RASGRP2: variants seen among roughly 807,000 people sequenced by gnomAD.
RASGRP2 encodes RAS guanyl releasing protein 2.
Under a neutral mutation model 71.0 loss-of-function variants are expected in RASGRP2, and 44 were observed. That is an observed-to-expected ratio of 0.62 (90% CI 0.49 to 0.80). The LOEUF (loss-of-function observed/expected upper bound fraction) is 0.80, where lower values mean the gene tolerates loss of function less well. Ranked by LOEUF, RASGRP2 falls within the 30% of genes least tolerant of loss-of-function variation. The pLI, the probability that RASGRP2 is intolerant of heterozygous loss-of-function variation, is 0.00. For missense variants in RASGRP2, 663 were observed against 813.4 expected (o/e 0.82, Z 2.25); for synonymous variants, 350 against 330.7 (o/e 1.06, Z -0.63).
At chr11:64,741,908 G>C (rs2058136686) in intron 3 of RASGRP2, 102 bp downstream of exon 3, 1 of 975,688 alleles carries the variant, frequency 1.0e-6, no homozygotes, top group African/African-American at 1.6e-5. Context: ...GATAAGGAGT[G>C]GCCTATACTT....
In RASGRP2 at chr11:64,742,528, TA is replaced by T; in HGVS notation, c.73+265del. 1.7e-6 allele frequency: 1 copy of T among 588,364 alleles called. No individual in the cohort carries two copies. Among genetic ancestry groups the T allele is most frequent in the Non-Finnish European group, 3.0e-6 (1 of 329,670 alleles). The allele number at this position is 588,364 out of a possible 1,614,324, so 36.4% of individuals were successfully genotyped here. On this transcript the variant is annotated intron_variant, in intron 2 of 16. Transcript: ENST00000394432. This position sits in a 1 kb window ranked among gnomAD's most constrained non-coding sequence, Gnocchi z 4.7. ...TCCTCCGGATTCCCCGGGAGACAGA[TA>T]ATGCCCCTCAAGTGTCAGAGTCCGG...
chr11:64,743,597 TC>T lies in RASGRP2; in HGVS notation c.-72+405del. 1 of 379,330 alleles carries T rather than the reference TC, an allele frequency of 2.6e-6. No homozygotes were observed. The highest frequency in any genetic ancestry group is 5.1e-6 in the Non-Finnish European group (1 of 195,530). The allele number at this position is 379,330 out of a possible 1,614,324, so 23.5% of individuals were successfully genotyped here. On this transcript the variant is annotated intron_variant, in intron 1 of 16. Transcript: ENST00000394432. This position sits in a 1 kb window ranked among gnomAD's most constrained non-coding sequence, Gnocchi z 4.9. ...AAGCCTGAGCCTGGGAACTGAGCGC[TC>T]CCAGGCCACCTCCGCAAAGGTCCCA...
intron 12 of RASGRP2, among the ~76,000 whole-genome samples, chr11:64,731,989 C>A (rs779661270): frequency 2.0e-5 from 3 of 152,164 alleles, no homozygotes; most frequent in Non-Finnish European, 4.4e-5. Context: ...ACGTTCATGG[C>A]AGCCTGGCAT....
Position 64,735,485 on chromosome 11 carries a change from A to G in RASGRP2, c.1296+57T>C, listed in dbSNP as rs1346669321. ...GGACACTCGTGCTGGCTTCCAGGGC[A>G]GTGCTCCGGCAAACTGGCCTCTCCC... On this transcript the variant is annotated intron_variant, in intron 11 of 16. Coordinates refer to ENST00000394432, the MANE Select transcript of RASGRP2 (RefSeq NM_001098671.2). This position sits in a 1 kb window ranked among gnomAD's most constrained non-coding sequence, Gnocchi z 4.2. 8.7e-6 allele frequency: 14 copies of G among 1,611,554 alleles called. No individual in the cohort carries two copies. Among genetic ancestry groups the G allele is most frequent in the Non-Finnish European group, 1.2e-5 (14 of 1,179,874 alleles).
At position 64,735,817 on chromosome 11, in the gene RASGRP2, G is replaced by A. The variant is rs1379946858; in HGVS notation, c.1173+86C>T. On this transcript the variant is annotated intron_variant, in intron 10 of 16. Transcript: ENST00000394432. The surrounding 1 kb of genome is among the most constrained non-coding windows in gnomAD (Gnocchi z 4.2). Reference sequence around the variant, plus strand: ...CTGTCCTACAAGATGGATGGGTGAGGTGGCTGCTAAGAGCTCTTCCCATCC... The same window carrying A: ...CTGTCCTACAAGATGGATGGGTGAGATGGCTGCTAAGAGCTCTTCCCATCC... 8 of 1,496,776 alleles carry A rather than the reference G, an allele frequency of 5.3e-6. No homozygotes were observed. In the African/African-American group the frequency reaches 5.5e-5, roughly 10 times the overall value. 92.7% of individuals were successfully genotyped at this position (1,496,776 alleles called of 1,614,324 possible). A position where few individuals can be genotyped will look rare whatever the true frequency, so the allele number is the denominator to read the frequency against.
chr11:64,732,609 G>A (rs372994002), intron 12 of RASGRP2, among the ~76,000 whole-genome samples: 2 of 152,066 alleles, frequency 1.3e-5, no homozygotes, highest in Non-Finnish European at 1.5e-5. Context: ...GTGAAACCCC[G>A]TCTCTACTAA....
At chr11:64,741,601 G>T (rs904588085) in intron 3 of RASGRP2, 100 bp from the exon 4 acceptor site, 2 of 1,070,364 alleles carry the variant, frequency 1.9e-6, no homozygotes, top group Non-Finnish European at 2.8e-6. Flanking sequence ...ACGTTCTAGG[G>T]ATGGGGCTTG....
chr11:64,741,322 C>G, intron 4 of RASGRP2, 117 bp downstream of exon 4: 1 of 1,245,630 alleles, frequency 8.0e-7, no homozygotes, highest in Non-Finnish European at 1.1e-6. Context: ...CCCACCCGGA[C>G]AAGCCAGGGT....
rs2057959540 is a variant in RASGRP2, at chr11:64,736,935, C to T, written c.913G>A (p.Gly305Ser). 1 of 1,613,798 alleles carries T rather than the reference C, an allele frequency of 6.2e-7. No homozygotes were observed. The highest frequency in any genetic ancestry group is 1.7e-5 in the Admixed American group (1 of 59,998). The stretch of plus-strand genomic sequence containing the variant: ...GCCACCAGGTCCTTGAGGTGCACAC[C>T]CAGGATCGGGAAGCGGAAGCCCACA... ...ACVGFRFPILGVHLKDLVALQ... is the reference protein window; with the variant it reads ...ACVGFRFPILSVHLKDLVALQ... The change falls in exon 9 of 17, where the codon GGT (glycine) becomes AGT (serine). Residue 305 changes from glycine (G) to serine (S), a missense_variant. Gly to Ser is a moderately conservative substitution (Grantham distance 56). Transcript: ENST00000394432.
intron 12 of RASGRP2, among the ~76,000 whole-genome samples, chr11:64,732,517 G>C (rs952176321): frequency 4.0e-5 from 6 of 149,662 alleles, no homozygotes; most frequent in African/African-American, 1.5e-4. Flanking sequence ...AATTAGGCTG[G>C]GTGAGGTGGC....
At chr11:64,737,196 T>C (rs1026768540) in intron 8 of RASGRP2, 162 bp from the exon 9 acceptor site, 10 of 792,280 alleles carry the variant, frequency 1.3e-5, no homozygotes, top group Middle Eastern at 3.2e-4. Context: ...CCCCTGGGGA[T>C]TGAATTCATT....
chr11:64,729,872 G>A, intron 13 of RASGRP2, 74 bp from the exon 14 acceptor site: 1 of 1,595,936 alleles, frequency 6.3e-7, no homozygotes. Context: ...TCTTGAGGGT[G>A]AGACTAGGGC....
intron 14 of RASGRP2, among the ~76,000 whole-genome samples, 180 bp downstream of exon 14, chr11:64,729,582 G>A (rs182446785): frequency 3.1e-4 from 47 of 151,978 alleles, no homozygotes; most frequent in Middle Eastern, 3.4e-3. Context: ...GGTGATCTGC[G>A]CGCCTCGGCC....
Position 64,742,468 on chromosome 11 carries a change from A to G in RASGRP2, c.73+326T>C, listed in dbSNP as rs1457808739. ...TTCACCAGATAAGCCGCCCCCCATT[A>G]GCCGGAAACAGCTCCCAGGCCGGAG... On this transcript the variant is annotated intron_variant, in intron 2 of 16. Transcript: ENST00000394432. This position sits in a 1 kb window ranked among gnomAD's most constrained non-coding sequence, Gnocchi z 4.7. The G allele has an allele frequency of 7.1e-6, 4 of 562,300 alleles. No individual in the cohort carries two copies. The Admixed American group carries it at 1.2e-4, about 17-fold the overall frequency. 34.8% of individuals were successfully genotyped at this position (562,300 alleles called of 1,614,324 possible). A position where few individuals can be genotyped will look rare whatever the true frequency, so the allele number is the denominator to read the frequency against.
In RASGRP2 at chr11:64,735,146, A is replaced by G. The variant is rs1201749666; in HGVS notation, c.1378T>C (p.Tyr460His). 1 of 1,614,192 alleles carries G rather than the reference A, an allele frequency of 6.2e-7. No individual in the cohort carries two copies. The highest frequency in any genetic ancestry group is 8.5e-7 in the Non-Finnish European group (1 of 1,180,008). The change falls in exon 12 of 17, where the codon TAC becomes CAC. Residue 460 changes from tyrosine to histidine, a missense_variant. By Grantham distance (83) the Tyr-to-His change is moderately conservative. Coordinates refer to ENST00000394432, the MANE Select transcript of RASGRP2 (RefSeq NM_001098671.2). This position sits in a 1 kb window ranked among gnomAD's most constrained non-coding sequence, Gnocchi z 4.2. The stretch of plus-strand genomic sequence containing the variant: ...TCGAGGTCCCCAAAGGCGCTGAGGT[A>G]AGGGAAGTTCCCACGGATGATCTGG... ...EFQIIRGNFP[Y>H]LSAFGDLDQN...
chr11:64,740,338 G>T (rs1282945169), intron 5 of RASGRP2, 175 bp from the exon 6 acceptor site: 2 of 761,334 alleles, frequency 2.6e-6, no homozygotes, highest in Admixed American at 2.0e-5. Flanking sequence ...ACCCCGTCAT[G>T]CACTCAACAC....
rs1267392218 is a variant in RASGRP2 at position 64,740,914 on chromosome 11, T to C, written c.371+34A>G. The C allele has an allele frequency of 3.1e-6, 5 of 1,611,992 alleles. No individual in the cohort carries two copies. In the Admixed American group the frequency reaches 8.3e-5, roughly 27 times the overall value. Reference sequence around the variant, plus strand: ...AGCACAGATGGTATAGGATACTGAGTGCCCCCCCAGCCCTCTGTGCTCCCC... The same window carrying C: ...AGCACAGATGGTATAGGATACTGAGCGCCCCCCCAGCCCTCTGTGCTCCCC... On this transcript the variant is annotated intron_variant, in intron 5 of 16. Transcript: ENST00000394432.
chr11:64,742,125 G>C lies in RASGRP2; in HGVS notation c.74-13C>G, dbSNP rs749981160. 2 of 1,569,892 alleles carry C rather than the reference G, an allele frequency of 1.3e-6. No homozygotes were observed. Among genetic ancestry groups the C allele is most frequent in the Non-Finnish European group, 1.7e-6 (2 of 1,156,538 alleles). ...TTCCCGGAGTCATCTGACTCCGAAGGGTCAAAGACAGGTGGCTGAGCTGGG... is the reference window on the plus strand; with the variant it reads ...TTCCCGGAGTCATCTGACTCCGAAGCGTCAAAGACAGGTGGCTGAGCTGGG... On this transcript the variant is annotated splice_polypyrimidine_tract_variant and intron_variant, in intron 2 of 16. Coordinates refer to ENST00000394432, the MANE Select transcript of RASGRP2 (RefSeq NM_001098671.2). This position sits in a 1 kb window ranked among gnomAD's most constrained non-coding sequence, Gnocchi z 4.7.
chr11:64,744,844 C>T (rs1260445469), upstream of RASGRP2: 3 of 148,374 alleles, frequency 2.0e-5, no homozygotes, highest in Middle Eastern at 3.4e-3. Context: ...GCCCGCTCTC[C>T]ACGCCGCGGC....
Sources: gnomAD v4.1 joint callset for allele counts (sites outside exome capture counted in the v4.1 genomes callset) on GRCh38, gnomAD v4.1.1 for gene constraint, Gnocchi (gnomAD v3.1) non-coding constraint, MANE v1.5 for transcripts, NCBI Gene and HGNC (gene_info 2026-07-23, HGNC 2026-07-21) for gene names.